The following COL25A1 variants were observed in gnomAD, a reference collection of about 807,000 sequenced individuals.
COL25A1 encodes collagen alpha-1(XXV) chain.
A neutral mutation model predicts 128.4 loss-of-function variants in COL25A1; 103 were observed. That is an observed-to-expected ratio of 0.80 (90% CI 0.68 to 0.94). The LOEUF (loss-of-function observed/expected upper bound fraction) is 0.94, where lower values mean the gene tolerates loss of function less well. Among genes scored for constraint, COL25A1 ranks in the 40% least tolerant of loss-of-function variants. The probability of loss-of-function intolerance (pLI) is 0.00; values close to 1 mark genes in which losing one functional copy is unlikely to be tolerated. For missense variants in COL25A1, 745 were observed against 840.0 expected, an observed-to-expected ratio of 0.89 and a Z score of 1.40; for synonymous variants, 279 against 277.2, an observed-to-expected ratio of 1.01 and a Z score of -0.06.
At chr4:109,191,243 T>A (rs1447258270) in intron 3 of COL25A1, among the ~76,000 whole-genome samples, 3 of 152,166 alleles carry the variant, frequency 2.0e-5, no homozygotes, top group African/African-American at 7.2e-5. Flanking sequence ...ATAAATTATG[T>A]ATTTGCCTGT....
intron 3 of COL25A1, among the ~76,000 whole-genome samples, chr4:109,104,075 G>GA (rs1056425785): frequency 3.3e-5 from 5 of 152,068 alleles, no homozygotes; most frequent in African/African-American, 1.2e-4. Flanking sequence ...ACTAGAATTA[G>GA]AAAATCACTC....
chr4:108,814,689 C>T (rs912463275), intron 37 of COL25A1, among the ~76,000 whole-genome samples: 10 of 152,174 alleles, frequency 6.6e-5, no homozygotes, highest in Non-Finnish European at 1.5e-4. Context: ...CAAAGCAGAT[C>T]TTAGAGACGT....
chr4:108,951,327 G>C (rs1749398798), intron 8 of COL25A1, among the ~76,000 whole-genome samples: 1 of 151,832 alleles, frequency 6.6e-6, no homozygotes, highest in Non-Finnish European at 1.5e-5. Flanking sequence ...TCCTTCAACT[G>C]CAGTTCCAAA....
In COL25A1 at chr4:108,859,668, G is replaced by A. The variant is rs745362419; in HGVS notation, c.1308C>T (p.His436=). Residue 436 remains histidine (H), a synonymous_variant, in exon 24 of 38, where the codon CAC becomes CAT. Coordinates refer to ENST00000399132, the MANE Select transcript of COL25A1 (RefSeq NM_198721.4). The part of the protein sequence containing the change: ...TEIIDYNGNL[H]EALQRITTLT... ...ACCAGTCACTTGCCTGTAAGGCTTCGTGGAGGTTGCCGTTGTAGTCTATGA... is the reference window on the plus strand; with the variant it reads ...ACCAGTCACTTGCCTGTAAGGCTTCATGGAGGTTGCCGTTGTAGTCTATGA... The A allele has an allele frequency of 1.6e-5, 26 of 1,613,558 alleles. No individual in the cohort carries two copies. Among genetic ancestry groups the A allele is most frequent in the African/African-American group, 4.0e-5 (3 of 74,894 alleles).
intron 3 of COL25A1, among the ~76,000 whole-genome samples, chr4:109,297,512 A>G (rs908471639): frequency 3.9e-5 from 6 of 152,176 alleles, no homozygotes; most frequent in Non-Finnish European, 1.5e-5. Context: ...TAGGAGACTT[A>G]TATAAATATC....
At chr4:109,172,846 A>G (rs145727913) in intron 3 of COL25A1, among the ~76,000 whole-genome samples, 17 of 152,250 alleles carry the variant, frequency 1.1e-4, no homozygotes, top group African/African-American at 1.7e-4. Flanking sequence ...AATCAAATCC[A>G]CATAATGGAA....
At chr4:108,903,550 T>C (rs184157174) in intron 13 of COL25A1, among the ~76,000 whole-genome samples, 9 of 152,152 alleles carry the variant, frequency 5.9e-5, no homozygotes, top group Admixed American at 2.6e-4. Context: ...TAAACTAAAA[T>C]AAATACCTCT....
intron 3 of COL25A1, among the ~76,000 whole-genome samples, chr4:109,208,429 T>C (rs1338564754): frequency 2.0e-5 from 3 of 150,648 alleles, no homozygotes; most frequent in Non-Finnish European, 2.9e-5. Context: ...CACTTCAGAA[T>C]GTGGAGAACC....
At chr4:109,009,687 T>C (rs1255282782) in intron 6 of COL25A1, among the ~76,000 whole-genome samples, 1 of 152,234 alleles carries the variant, frequency 6.6e-6, no homozygotes, top group Non-Finnish European at 1.5e-5. Context: ...TTTTCTTCTC[T>C]ATAGAATCCT....
intron 3 of COL25A1, among the ~76,000 whole-genome samples, chr4:109,086,398 A>G (rs1030606594): frequency 6.6e-6 from 1 of 152,232 alleles, no homozygotes; most frequent in Non-Finnish European, 1.5e-5. Flanking sequence ...CAATTTGTCT[A>G]GTAATGATGA....
chr4:108,821,099 A>G (rs1043466614), intron 35 of COL25A1, among the ~76,000 whole-genome samples: 3 of 152,254 alleles, frequency 2.0e-5, no homozygotes, highest in Admixed American at 6.5e-5. Flanking sequence ...ATGAATATTG[A>G]AAGGTTAAAA....
intron 8 of COL25A1, among the ~76,000 whole-genome samples, chr4:108,950,269 C>T (rs1487844658): frequency 6.6e-6 from 1 of 152,170 alleles, no homozygotes; most frequent in Non-Finnish European, 1.5e-5. Context: ...GATCTGTAGT[C>T]TCTGAGAGCA....
chr4:109,038,139 C>A (rs2125923883), intron 5 of COL25A1, among the ~76,000 whole-genome samples: 1 of 152,278 alleles, frequency 6.6e-6, no homozygotes, highest in Non-Finnish European at 1.5e-5. Context: ...GATGTGTCAA[C>A]TTGGCGAGGC....
At chr4:109,026,326 T>G (rs747027514) in intron 5 of COL25A1, among the ~76,000 whole-genome samples, 1 of 151,918 alleles carries the variant, frequency 6.6e-6, no homozygotes, top group African/African-American at 2.4e-5. Context: ...GAAATCAAGA[T>G]TGGAGAGAAT....
rs577957915 is a variant in COL25A1 at position 108,968,680 on chromosome 4, A to G, written c.492+5687T>C. Among the ~76,000 whole-genome samples the G allele has an allele frequency of 7.9e-5, 12 of 151,988 alleles. No individual in the cohort carries two copies. The South Asian group carries it at 2.1e-3, about 26-fold the overall frequency. ...CCATGTTTCTAATTCCAGGATTTCA[A>G]TTCTCCCTCTGTGATAGTTCAGCTG... is the stretch of plus-strand genomic sequence containing the variant. On this transcript the variant is annotated intron_variant, in intron 8 of 37. Transcript: ENST00000399132.
chr4:109,230,304 C>T (rs78829141), intron 3 of COL25A1, among the ~76,000 whole-genome samples: 3,385 of 152,256 alleles, frequency 0.022, 103 homozygotes, highest in African/African-American at 0.069. Flanking sequence ...AAAGTCATAC[C>T]ATCAACGGGA....
chr4:109,159,274 T>G (rs1044643233), intron 3 of COL25A1, among the ~76,000 whole-genome samples: 4 of 151,894 alleles, frequency 2.6e-5, no homozygotes, highest in Non-Finnish European at 5.9e-5. Flanking sequence ...AAAATTACTG[T>G]CTCAGATAAT....
intron 6 of COL25A1, among the ~76,000 whole-genome samples, chr4:108,984,427 G>A (rs1269390274): frequency 4.6e-5 from 7 of 151,940 alleles, no homozygotes; most frequent in Non-Finnish European, 8.8e-5. Flanking sequence ...GGGACTGGGC[G>A]CCCTAGAGCG....
intron 3 of COL25A1, among the ~76,000 whole-genome samples, chr4:109,203,772 T>C (rs956782951): frequency 6.6e-6 from 1 of 152,190 alleles, no homozygotes; most frequent in Non-Finnish European, 1.5e-5. Context: ...AATTTAATCA[T>C]GGAACAATAT....
Sources: gnomAD v4.1 joint callset for allele counts (sites outside exome capture counted in the v4.1 genomes callset) on GRCh38, gnomAD v4.1.1 for gene constraint, MANE v1.5 for transcripts, NCBI Gene and HGNC (gene_info 2026-07-23, HGNC 2026-07-21) for gene names.